The following SLC24A2 variants were observed in gnomAD, a reference collection of about 807,000 sequenced individuals.
SLC24A2 encodes the protein sodium/potassium/calcium exchanger 2.
A neutral mutation model predicts 62.0 loss-of-function variants in SLC24A2; 36 were observed. The ratio of observed to expected loss-of-function variants is 0.58; its 90% CI spans 0.44 to 0.77. The LOEUF (loss-of-function observed/expected upper bound fraction) is 0.77. Among genes scored for constraint, SLC24A2 ranks in the 30% least tolerant of loss-of-function variants. The pLI, the probability that SLC24A2 is intolerant of heterozygous loss-of-function variation, is 0.00. For synonymous variants in SLC24A2, 358 were observed against 294.0 expected, an observed-to-expected ratio of 1.22 and a Z score of -2.23; for missense variants, 846 against 817.9, an observed-to-expected ratio of 1.03 and a Z score of -0.42.
the SLC24A2 span, among the ~76,000 whole-genome samples, chr9:19,906,238 A>T: frequency 1.3e-5 from 2 of 151,740 alleles, no homozygotes; most frequent in African/African-American, 2.4e-5. Flanking sequence ...CTGGGTACAT[A>T]ACGAAATGAA....
intron 2 of SLC24A2, among the ~76,000 whole-genome samples, chr9:19,712,820 C>A (rs972847801): frequency 2.0e-5 from 3 of 152,108 alleles, no homozygotes; most frequent in Admixed American, 6.6e-5. Flanking sequence ...CAGGGACCTG[C>A]CCTCTGCAGC....
the SLC24A2 span, among the ~76,000 whole-genome samples, chr9:19,897,163 CAAAG>C: frequency 6.6e-6 from 1 of 152,160 alleles, no homozygotes; most frequent in Non-Finnish European, 1.5e-5. Context: ...TAGAACTCTT[CAAAG>C]TTGCTGATGT....
intron 9 of SLC24A2, among the ~76,000 whole-genome samples, chr9:19,526,852 A>AT (rs72548992): frequency 1.5e-5 from 2 of 131,716 alleles, no homozygotes; most frequent in Non-Finnish European, 3.2e-5. Context: ...TTTTGATGAA[A>AT]TTAATTAATC....
chr9:20,047,711 T>C, the SLC24A2 span, among the ~76,000 whole-genome samples: 1 of 149,654 alleles, frequency 6.7e-6, no homozygotes, highest in Non-Finnish European at 1.5e-5. Context: ...TGGGGTCTCT[T>C]CAATAAAGAA....
At chr9:19,704,242 T>G (rs565453874) in intron 2 of SLC24A2, among the ~76,000 whole-genome samples, 1 of 152,312 alleles carries the variant, frequency 6.6e-6, no homozygotes, top group Admixed American at 6.5e-5. Flanking sequence ...GCATTAACAT[T>G]TGAGAAGCAG....
chr9:20,013,656 A>G, the SLC24A2 span, among the ~76,000 whole-genome samples: 1,709 of 152,338 alleles, frequency 0.011, 38 homozygotes, highest in African/African-American at 0.039. Flanking sequence ...GTTGAATACC[A>G]TAAGAAAACA....
At chr9:19,917,750 G>A in the SLC24A2 span, among the ~76,000 whole-genome samples, 1 of 151,992 alleles carries the variant, frequency 6.6e-6, no homozygotes, top group African/African-American at 2.4e-5. Flanking sequence ...TTTTTCAGTA[G>A]ATGCTTTGGA....
the SLC24A2 span, among the ~76,000 whole-genome samples, chr9:19,908,014 C>T: frequency 1.3e-5 from 2 of 152,252 alleles, no homozygotes; most frequent in South Asian, 4.1e-4. Context: ...CAAAAAAGTG[C>T]CCGCATCACA....
intron 2 of SLC24A2, among the ~76,000 whole-genome samples, chr9:19,774,338 T>C (rs534538960): frequency 6.6e-6 from 1 of 152,298 alleles, no homozygotes; most frequent in African/African-American, 2.4e-5. Flanking sequence ...AGAGGTTAAG[T>C]AATGTATCCA....
intron 2 of SLC24A2, among the ~76,000 whole-genome samples, chr9:19,655,849 G>A (rs770356019): frequency 1.4e-4 from 22 of 152,274 alleles, no homozygotes; most frequent in Non-Finnish European, 2.2e-4. Context: ...CAGTGGCAGA[G>A]GCTGCTGAGA....
chr9:19,521,776 T>G (rs1001242368), intron 9 of SLC24A2, among the ~76,000 whole-genome samples: 1 of 152,160 alleles, frequency 6.6e-6, no homozygotes, highest in East Asian at 1.9e-4. Context: ...CAGGTACTTG[T>G]GAGGACTAAA....
chr9:20,115,901 G>A, the SLC24A2 span, among the ~76,000 whole-genome samples: 1 of 152,138 alleles, frequency 6.6e-6, no homozygotes, highest in Non-Finnish European at 1.5e-5. Flanking sequence ...TCTAATTGGG[G>A]CAAAGTAATT....
chr9:19,547,265 G>A (rs1563952807), intron 8 of SLC24A2, among the ~76,000 whole-genome samples: 1 of 152,196 alleles, frequency 6.6e-6, no homozygotes, highest in East Asian at 1.9e-4. Flanking sequence ...TCCATTCCAG[G>A]GCTAGCACTT....
chr9:20,203,386 T>A, the SLC24A2 span, among the ~76,000 whole-genome samples: 1 of 152,206 alleles, frequency 6.6e-6, no homozygotes, highest in African/African-American at 2.4e-5. Context: ...TTGCTCTTAA[T>A]TCAGCTCCAC....
chr9:20,262,653 C>T, the SLC24A2 span, among the ~76,000 whole-genome samples: 10 of 152,310 alleles, frequency 6.6e-5, no homozygotes, highest in East Asian at 1.2e-3. Flanking sequence ...AGCATTATCT[C>T]ATTTCATATT....
the SLC24A2 span, among the ~76,000 whole-genome samples, chr9:19,933,262 G>T: frequency 3.3e-5 from 5 of 152,180 alleles, no homozygotes; most frequent in Non-Finnish European, 7.3e-5. Context: ...TAAAAGCAAC[G>T]GTACTTGCAC....
intron 5 of SLC24A2, among the ~76,000 whole-genome samples, chr9:19,590,803 T>G (rs1258821124): frequency 3.3e-5 from 5 of 152,186 alleles, no homozygotes; most frequent in African/African-American, 1.2e-4. Flanking sequence ...AAACCCCAAT[T>G]TGATATTAAG....
At chr9:20,089,943 A>G in the SLC24A2 span, among the ~76,000 whole-genome samples, 1 of 152,072 alleles carries the variant, frequency 6.6e-6, no homozygotes, top group African/African-American at 2.4e-5. Context: ...GAATACTCCC[A>G]GTAACTGCAG....
the SLC24A2 span, among the ~76,000 whole-genome samples, chr9:20,298,153 A>C: frequency 1.3e-5 from 2 of 152,208 alleles, no homozygotes; most frequent in Non-Finnish European, 2.9e-5. Flanking sequence ...GAGACTTTAC[A>C]TTCCCACAGA....
Sources: allele counts gnomAD v4.1 joint callset (sites outside exome capture counted in the v4.1 genomes callset), GRCh38; gene constraint gnomAD v4.1.1; transcripts MANE v1.5; gene names NCBI Gene and HGNC (gene_info 2026-07-23, HGNC 2026-07-21).